The following DTWD2 variants were observed in gnomAD, a reference collection of about 807,000 sequenced individuals.
DTWD2 encodes tRNA-uridine aminocarboxypropyltransferase 2.
DTWD2 carries 39 observed loss-of-function variants against 31.8 expected under a neutral mutation model. That is an observed-to-expected ratio of 1.22 (90% CI 0.95 to 1.60). The LOEUF is 1.60. Among genes scored for constraint, DTWD2 ranks in the 40% most tolerant of loss-of-function variants. The pLI, the probability that DTWD2 is intolerant of heterozygous loss-of-function variation, is 0.00. For synonymous variants in DTWD2, 180 were observed against 142.8 expected (o/e 1.26, Z -1.86); for missense variants, 515 against 381.5 (o/e 1.35, Z -2.92).
chr5:118,893,016 A>G (rs945294076), intron 4 of DTWD2, among the ~76,000 whole-genome samples: 2 of 147,354 alleles, frequency 1.4e-5, no homozygotes, highest in South Asian at 4.2e-4. Context: ...AATATTGTTA[A>G]GTTAAAAATA....
At chr5:118,910,697 C>A (rs2149570595) in intron 4 of DTWD2, among the ~76,000 whole-genome samples, 1 of 152,326 alleles carries the variant, frequency 6.6e-6, no homozygotes, top group South Asian at 2.1e-4. Flanking sequence ...CTTCTCAGCA[C>A]CAATTTTCAT....
At chr5:118,882,841 A>G (rs923086939) in intron 4 of DTWD2, among the ~76,000 whole-genome samples, 1 of 152,228 alleles carries the variant, frequency 6.6e-6, no homozygotes, top group East Asian at 1.9e-4. Flanking sequence ...AAAGTCTGCC[A>G]CGAAGATATC....
intron 5 of DTWD2, among the ~76,000 whole-genome samples, chr5:118,844,047 G>A (rs1466983238): frequency 2.6e-5 from 4 of 152,208 alleles, no homozygotes; most frequent in African/African-American, 9.7e-5. Context: ...CCTCCATCAG[G>A]TTGGGTGCCT....
chr5:118,844,447 T>C (rs1751800187), intron 5 of DTWD2, among the ~76,000 whole-genome samples: 1 of 152,178 alleles, frequency 6.6e-6, no homozygotes, highest in African/African-American at 2.4e-5. Context: ...GTTCAGACTT[T>C]CTTTTGCCAA....
chr5:118,865,465 T>C (rs1388306603), intron 4 of DTWD2, among the ~76,000 whole-genome samples: 1 of 152,028 alleles, frequency 6.6e-6, no homozygotes, highest in Non-Finnish European at 1.5e-5. Flanking sequence ...ATAAAAAGAA[T>C]CATACATATA....
chr5:118,986,318 A>G (rs1405599097), intron 1 of DTWD2, among the ~76,000 whole-genome samples: 4 of 152,208 alleles, frequency 2.6e-5, no homozygotes, highest in African/African-American at 9.6e-5. Context: ...TATAGAATCT[A>G]TATCTTGCAA....
intron 1 of DTWD2, among the ~76,000 whole-genome samples, chr5:118,958,781 T>C (rs1183191170): frequency 1.3e-5 from 2 of 152,156 alleles, no homozygotes; most frequent in African/African-American, 2.4e-5. Context: ...ATCCCTAGGA[T>C]ACAAGAATGG....
intron 1 of DTWD2, among the ~76,000 whole-genome samples, chr5:118,964,001 G>C (rs1194572297): frequency 6.6e-6 from 1 of 152,112 alleles, no homozygotes; most frequent in East Asian, 1.9e-4. Flanking sequence ...CTTGAGGTCA[G>C]GTGTTCAAGA....
At chr5:118,848,356 A>G (rs1236511854) in intron 4 of DTWD2, 138 bp from the exon 5 acceptor site, 4 of 701,514 alleles carry the variant, frequency 5.7e-6, no homozygotes, top group African/African-American at 1.9e-5. Flanking sequence ...TCTTTTATGT[A>G]TAACATCCTT....
chr5:118,987,849 C>G (rs299206), intron 1 of DTWD2, among the ~76,000 whole-genome samples: 105,860 of 152,024 alleles, frequency 0.7, 37,312 homozygotes, highest in East Asian at 0.99. Flanking sequence ...CTAGAATGAA[C>G]ACCTGAAAAG....
intron 3 of DTWD2, among the ~76,000 whole-genome samples, chr5:118,929,900 C>G (rs1753885679): frequency 6.6e-6 from 1 of 152,174 alleles, no homozygotes; most frequent in African/African-American, 2.4e-5. Context: ...TCTATGAAGG[C>G]TGCTATCGGT....
intron 2 of DTWD2, among the ~76,000 whole-genome samples, 169 bp from the exon 3 acceptor site, chr5:118,939,459 T>C (rs1438726004): frequency 1.3e-5 from 2 of 152,222 alleles, no homozygotes; most frequent in Non-Finnish European, 2.9e-5. Context: ...TTATCAGTAT[T>C]AACCATAACA....
At chr5:118,929,040 A>C (rs1216868523) in intron 3 of DTWD2, among the ~76,000 whole-genome samples, 1 of 152,184 alleles carries the variant, frequency 6.6e-6, no homozygotes, top group Admixed American at 6.5e-5. Context: ...TTTCCTCACT[A>C]ATACTTCATG....
chr5:118,864,308 C>T (rs1174821547), intron 4 of DTWD2, among the ~76,000 whole-genome samples: 1 of 150,802 alleles, frequency 6.6e-6, no homozygotes, highest in Non-Finnish European at 1.5e-5. Context: ...CATGTTCTCA[C>T]TCACAGATGA....
chr5:118,952,874 A>C (rs1754497077), intron 1 of DTWD2, among the ~76,000 whole-genome samples: 1 of 152,118 alleles, frequency 6.6e-6, no homozygotes, highest in South Asian at 2.1e-4. Context: ...GGCTGAATTC[A>C]CTTTCTTTTA....
chr5:118,923,645 A>C (rs1753751826), intron 4 of DTWD2, among the ~76,000 whole-genome samples: 1 of 152,204 alleles, frequency 6.6e-6, no homozygotes, highest in Non-Finnish European at 1.5e-5. Flanking sequence ...ATCTCTTCCA[A>C]GTAAGCTTTC....
chr5:118,983,145 C>A (rs1755344134), intron 1 of DTWD2, among the ~76,000 whole-genome samples: 1 of 152,114 alleles, frequency 6.6e-6, no homozygotes, highest in African/African-American at 2.4e-5. Context: ...GTACAGGAGA[C>A]CCAGAATCAA....
chr5:118,885,773 A>T (rs547249113), intron 4 of DTWD2, among the ~76,000 whole-genome samples: 17 of 151,318 alleles, frequency 1.1e-4, no homozygotes, highest in South Asian at 8.3e-4. Context: ...TATTTAAAAA[A>T]AAAAATAAAA....
chr5:118,985,055 CA>C (rs1298585944), intron 1 of DTWD2, among the ~76,000 whole-genome samples: 7 of 152,032 alleles, frequency 4.6e-5, no homozygotes, highest in Non-Finnish European at 1.0e-4. Context: ...GCATTAGGCC[CA>C]AACTCCCTGA....
Sources: allele counts gnomAD v4.1 joint callset (sites outside exome capture counted in the v4.1 genomes callset), GRCh38; gene constraint gnomAD v4.1.1; transcripts MANE v1.5; gene names NCBI Gene and HGNC (gene_info 2026-07-23, HGNC 2026-07-21).